RMDN2: variants seen among roughly 807,000 people sequenced by gnomAD.
RMDN2 encodes regulator of microtubule dynamics protein 2.
RMDN2 carries 61 observed loss-of-function variants against 52.8 expected under a neutral mutation model. That is an observed-to-expected ratio of 1.16 (90% confidence interval 0.94 to 1.43). The LOEUF (loss-of-function observed/expected upper bound fraction) is 1.43. RMDN2 is among the 40% of genes most tolerant of loss of function. The probability of loss-of-function intolerance (pLI) is 0.00; values close to 1 mark genes in which losing one functional copy is unlikely to be tolerated. For missense variants in RMDN2, 592 were observed against 475.3 expected, an observed-to-expected ratio of 1.25 and a Z score of -2.28; for synonymous variants, 180 against 153.1, an observed-to-expected ratio of 1.18 and a Z score of -1.30.
intron 10 of RMDN2, among the ~76,000 whole-genome samples, chr2:38,060,236 C>A (rs1003422379): frequency 2.0e-5 from 3 of 152,062 alleles, no homozygotes; most frequent in African/African-American, 7.2e-5. Context: ...TGAGCCACCA[C>A]ACCCGACCAT....
At chr2:38,050,364 A>T (rs550281143) in intron 10 of RMDN2, among the ~76,000 whole-genome samples, 2 of 152,170 alleles carry the variant, frequency 1.3e-5, no homozygotes, top group South Asian at 2.1e-4. Context: ...AAAAATAAAA[A>T]AAAAACCTTC....
intron 10 of RMDN2, among the ~76,000 whole-genome samples, chr2:38,045,183 C>A (rs1681197125): frequency 6.6e-6 from 1 of 152,124 alleles, no homozygotes; most frequent in East Asian, 1.9e-4. Flanking sequence ...AGTATTTTGG[C>A]TTTAGAATGC....
chr2:38,013,924 C>T (rs1175285789), intron 10 of RMDN2, among the ~76,000 whole-genome samples: 3 of 152,276 alleles, frequency 2.0e-5, no homozygotes, highest in Non-Finnish European at 4.4e-5. Flanking sequence ...ATTAATAAGG[C>T]AGCCGGGCGT....
chr2:38,028,473 A>G (rs1679943109), intron 10 of RMDN2, among the ~76,000 whole-genome samples: 1 of 152,210 alleles, frequency 6.6e-6, no homozygotes, highest in African/African-American at 2.4e-5. Flanking sequence ...CACTAACACA[A>G]TTAATTGACA....
At position 38,056,471 on chromosome 2, in the gene RMDN2, T is replaced by C. The variant is rs75942409; in HGVS notation, c.1714-10511T>C. Among the ~76,000 whole-genome samples the C allele has an allele frequency of 9.7e-3, 1,482 of 152,342 alleles. 23 individuals carry two copies. The highest frequency in any genetic ancestry group is 0.034 in the African/African-American group (1,405 of 41,570). ...GCATCAGGGCATGTGTTTATTTTTA[T>C]AACAGTTTTATCTTAGAATAGTATC... On this transcript the variant is annotated intron_variant, in intron 10 of 10. Coordinates refer to the RMDN2 transcript ENST00000234195.
intron 2 of RMDN2, among the ~76,000 whole-genome samples, chr2:37,970,525 G>C (rs1671673249): frequency 6.6e-6 from 1 of 152,074 alleles, no homozygotes; most frequent in African/African-American, 2.4e-5. Context: ...TTTGGTTTTT[G>C]TGTCAGTTAT....
chr2:38,006,215 G>A (rs1435241409), intron 10 of RMDN2, among the ~76,000 whole-genome samples: 3 of 151,974 alleles, frequency 2.0e-5, no homozygotes, highest in African/African-American at 4.8e-5. Context: ...TGAACTTTAA[G>A]GTAGTTTTTT....
At chr2:37,992,512 A>G (rs752237967) in intron 7 of RMDN2, among the ~76,000 whole-genome samples, 4 of 152,196 alleles carry the variant, frequency 2.6e-5, no homozygotes, top group Non-Finnish European at 4.4e-5. Flanking sequence ...CCTTCCAACA[A>G]CTCACATGTT....
At chr2:37,975,130 T>A in intron 3 of RMDN2, 82 bp from the exon 4 acceptor site, 1 of 804,798 alleles carries the variant, frequency 1.2e-6, no homozygotes, top group Non-Finnish European at 2.1e-6. Flanking sequence ...CCTAAGTTTT[T>A]AAAAAGTTGC....
Position 38,004,132 on chromosome 2 carries a change from C to G in RMDN2, c.1099-4C>G. On this transcript the variant is annotated splice_region_variant and splice_polypyrimidine_tract_variant and intron_variant, in intron 9 of 10. Transcript: ENST00000354545. Reference sequence around the variant, plus strand: ...GTTTAATATTGGTTATTTCTCATTTCCAGTGTTATACTGATCTTGAGGAAA... The same window carrying G: ...GTTTAATATTGGTTATTTCTCATTTGCAGTGTTATACTGATCTTGAGGAAA... 1 of 1,612,886 alleles carries G rather than the reference C, an allele frequency of 6.2e-7. No homozygotes were observed. Among genetic ancestry groups the G allele is most frequent in the Non-Finnish European group, 8.5e-7 (1 of 1,179,082 alleles).
intron 2 of RMDN2, among the ~76,000 whole-genome samples, chr2:37,945,462 A>G (rs1668145437): frequency 6.6e-6 from 1 of 152,162 alleles, no homozygotes; most frequent in Non-Finnish European, 1.5e-5. Context: ...TGAAGTGTCC[A>G]ACATCCATTC....
chr2:37,973,328 CTATAAA>C (rs982293277), intron 2 of RMDN2, among the ~76,000 whole-genome samples: 3 of 152,170 alleles, frequency 2.0e-5, no homozygotes, highest in Non-Finnish European at 4.4e-5. Context: ...TCATCTTGAA[CTATAAA>C]TATGTGTTTT....
intron 2 of RMDN2, among the ~76,000 whole-genome samples, chr2:37,961,294 G>A (rs1242009643): frequency 1.3e-5 from 2 of 152,042 alleles, no homozygotes; most frequent in Non-Finnish European, 2.9e-5. Flanking sequence ...TTCCAACTTG[G>A]TTCCATTCTC....
chr2:37,953,756 G>A lies in RMDN2; in HGVS notation c.453-20284G>A, dbSNP rs78790278. ...TGTGGTAATTATATTTTAATTTTTT[G>A]AGGAACTACCATATTGTTTTCCATA... On this transcript the variant is annotated intron_variant, in intron 2 of 10. Coordinates refer to ENST00000354545, the MANE Select transcript of RMDN2 (RefSeq NM_001170791.3). Among the ~76,000 whole-genome samples, 163 of 152,024 alleles carry A rather than the reference G, an allele frequency of 1.1e-3. 3 individuals carry two copies. The East Asian group carries it at 0.027, about 25-fold the overall frequency.
chr2:38,044,258 G>T (rs139680196), intron 10 of RMDN2, among the ~76,000 whole-genome samples: 2 of 151,466 alleles, frequency 1.3e-5, no homozygotes, highest in African/African-American at 4.8e-5. Context: ...AATTCTTATT[G>T]TTGTCTCTCT....
At chr2:37,974,295 A>G (rs542880175) in intron 3 of RMDN2, 81 bp downstream of exon 3, 2 of 886,552 alleles carry the variant, frequency 2.3e-6, no homozygotes, top group South Asian at 6.1e-5. Flanking sequence ...AACTATAATA[A>G]TTGTGTCATG....
intron 2 of RMDN2, among the ~76,000 whole-genome samples, chr2:37,957,935 G>A (rs1283309457): frequency 6.6e-6 from 1 of 152,124 alleles, no homozygotes; most frequent in African/African-American, 2.4e-5. Context: ...TGTCAGGTTT[G>A]TCAAAGATCA....
At chr2:37,937,286 A>G (rs1667381882) in intron 2 of RMDN2, among the ~76,000 whole-genome samples, 1 of 152,156 alleles carries the variant, frequency 6.6e-6, no homozygotes, top group African/African-American at 2.4e-5. Flanking sequence ...TACCAGTACC[A>G]TGCTGTTTTG....
intron 2 of RMDN2, among the ~76,000 whole-genome samples, chr2:37,941,525 G>A (rs1284186923): frequency 6.6e-6 from 1 of 152,236 alleles, no homozygotes; most frequent in African/African-American, 2.4e-5. Flanking sequence ...CTCTGTCCCA[G>A]GGAAACTGGA....
Sources: gnomAD v4.1 joint callset for allele counts (sites outside exome capture counted in the v4.1 genomes callset) on GRCh38, gnomAD v4.1.1 for gene constraint, MANE v1.5 for transcripts, NCBI Gene and HGNC (gene_info 2026-07-23, HGNC 2026-07-21) for gene names.